The following UBTD2 variants were observed in gnomAD, a reference collection of about 807,000 sequenced individuals.
The protein encoded by UBTD2 is ubiquitin domain containing 2.
In UBTD2, 9 loss-of-function variants were observed where a neutral mutation model predicts 19.8. That is an observed-to-expected ratio of 0.46 (90% confidence interval 0.27 to 0.79). UBTD2 has a LOEUF of 0.79. Among genes scored for constraint, UBTD2 ranks in the 30% least tolerant of loss-of-function variants. The pLI is 0.14. For synonymous variants in UBTD2, 98 were observed against 103.9 expected (o/e 0.94, Z 0.35); for missense variants, 250 against 300.4 (o/e 0.83, Z 1.24).
At chr5:172,218,798 TAA>T (rs58608463) in intron 2 of UBTD2, among the ~76,000 whole-genome samples, 17 of 121,506 alleles carry the variant, frequency 1.4e-4, no homozygotes, top group African/African-American at 4.7e-4. Flanking sequence ...AATAAAAAAA[TAA>T]AAAAAAAAAT....
chr5:172,212,082 T>C lies in UBTD2; in HGVS notation c.453A>G (p.Glu151=). Residue 151 remains glutamate, a synonymous_variant, in exon 3 of 3, where the codon GAA becomes GAG. Coordinates refer to ENST00000393792, the MANE Select transcript of UBTD2 (RefSeq NM_152277.3). ...IPEPPPNSGY[E]CQLRLRLSTG... Reference sequence around the variant, plus strand: ...TGGAAAGGCGCAAACGAAGCTGACATTCATATCCAGAATTGGGTGGTGGCT... The same window carrying C: ...TGGAAAGGCGCAAACGAAGCTGACACTCATATCCAGAATTGGGTGGTGGCT... The C allele has an allele frequency of 6.2e-7, 1 of 1,614,192 alleles. No homozygotes were observed. The highest frequency in any genetic ancestry group is 8.5e-7 in the Non-Finnish European group (1 of 1,180,040).
At chr5:172,216,164 CA>C (rs566675245) in intron 2 of UBTD2, among the ~76,000 whole-genome samples, 9 of 149,974 alleles carry the variant, frequency 6.0e-5, no homozygotes, top group Admixed American at 2.0e-4. Flanking sequence ...GAGACTGTCT[CA>C]AAAAAAACAA....
chr5:172,264,603 C>A (rs377614848), intron 1 of UBTD2, among the ~76,000 whole-genome samples: 1 of 149,580 alleles, frequency 6.7e-6, no homozygotes, highest in Non-Finnish European at 1.5e-5. Context: ...GCTAGGCACA[C>A]ACCGTGGCTC....
intron 1 of UBTD2, among the ~76,000 whole-genome samples, chr5:172,274,135 CTTTTTTTTTTTTTTTT>C (rs555392614): frequency 9.2e-6 from 1 of 108,648 alleles, no homozygotes; most frequent in African/African-American, 3.8e-5. Context: ...TTTTGCTTTA[CTTTTTTTTTTTTTTTT>C]TTTTTTTGAG....
Position 172,210,012 on chromosome 5 carries a change from A to C in UBTD2, c.*1818T>G, listed in dbSNP as rs1326416752. The C allele has an allele frequency of 6.6e-6, 1 of 152,204 alleles. No individual in the cohort carries two copies. The highest frequency in any genetic ancestry group is 1.5e-5 in the Non-Finnish European group (1 of 68,046). The allele number at this position is 152,204 out of a possible 1,614,324, so 9.4% of individuals were successfully genotyped here. Reference sequence around the variant, plus strand: ...TTCGATGTGGCACACAAATGAACAAAAACTTTGATGACAGGAGCAATATAC... The same window carrying C: ...TTCGATGTGGCACACAAATGAACAACAACTTTGATGACAGGAGCAATATAC... On this transcript the variant is annotated 3_prime_UTR_variant, in exon 3 of 3. Coordinates refer to ENST00000393792, the MANE Select transcript of UBTD2 (RefSeq NM_152277.3).
chr5:172,236,505 T>C (rs1772012207), intron 1 of UBTD2, among the ~76,000 whole-genome samples: 2 of 152,220 alleles, frequency 1.3e-5, no homozygotes, highest in Non-Finnish European at 2.9e-5. Context: ...CTAGAAGATG[T>C]TCAGAATCTG....
In UBTD2 at chr5:172,209,862, C is replaced by A. The variant is rs2113866918; in HGVS notation, c.*1968G>T. Reference sequence around the variant, plus strand: ...AAACTCTTAAAAAGAGAGCTCAAATCCTCAACAAAGAAAGACCTTTTACCA... The same window carrying A: ...AAACTCTTAAAAAGAGAGCTCAAATACTCAACAAAGAAAGACCTTTTACCA... On this transcript the variant is annotated 3_prime_UTR_variant, in exon 3 of 3. Coordinates refer to ENST00000393792, the MANE Select transcript of UBTD2 (RefSeq NM_152277.3). The A allele has an allele frequency of 6.6e-6, 1 of 152,622 alleles. No individual in the cohort carries two copies. The highest frequency in any genetic ancestry group is 1.5e-5 in the Non-Finnish European group (1 of 67,992). The allele number at this position is 152,622 out of a possible 1,614,324, so 9.5% of individuals were successfully genotyped here.
chr5:172,238,593 A>G (rs1229337970), intron 1 of UBTD2, among the ~76,000 whole-genome samples: 3 of 152,178 alleles, frequency 2.0e-5, no homozygotes, highest in African/African-American at 7.2e-5. Context: ...TAACAAATAA[A>G]CAGATCTAAC....
rs556929591 is a variant in UBTD2, at chr5:172,222,194, C to T, written c.308-9967G>A. 4.3e-4 allele frequency among the ~76,000 whole-genome samples: 65 copies of T among 152,330 alleles called. 1 individual carries two copies. Among genetic ancestry groups the T allele is most frequent in the African/African-American group, 1.5e-3 (62 of 41,564 alleles). On this transcript the variant is annotated intron_variant, in intron 2 of 2. Transcript: ENST00000393792. ...GACTATTACTGCAGAATTACCTATT[C>T]AGAGCAGACTGGCCCCTTTGTGGCC...
chr5:172,276,503 A>T (rs1756270394), intron 1 of UBTD2, among the ~76,000 whole-genome samples: 1 of 152,210 alleles, frequency 6.6e-6, no homozygotes, highest in Non-Finnish European at 1.5e-5. Flanking sequence ...TTTTAAAAAC[A>T]TCATACAGGC....
At chr5:172,236,685 T>G (rs1337638640) in intron 1 of UBTD2, among the ~76,000 whole-genome samples, 1 of 152,218 alleles carries the variant, frequency 6.6e-6, no homozygotes, top group African/African-American at 2.4e-5. Flanking sequence ...CAGTAAGATA[T>G]TTATCTGAAT....
intron 1 of UBTD2, among the ~76,000 whole-genome samples, chr5:172,275,606 T>G (rs1317004085): frequency 2.0e-5 from 3 of 152,166 alleles, no homozygotes; most frequent in Non-Finnish European, 2.9e-5. Flanking sequence ...CATGACTCAA[T>G]TCTTAGTATT....
chr5:172,246,083 TCAGA>T (rs895946338), intron 1 of UBTD2, among the ~76,000 whole-genome samples: 1 of 152,206 alleles, frequency 6.6e-6, no homozygotes, highest in Non-Finnish European at 1.5e-5. Context: ...GTTGAAATTA[TCAGA>T]CAAAGACTTC....
At chr5:172,256,386 CT>C (rs199749283) in intron 1 of UBTD2, among the ~76,000 whole-genome samples, 127 of 147,262 alleles carry the variant, frequency 8.6e-4, no homozygotes, top group Non-Finnish European at 1.0e-3. Context: ...TTTCCTTATA[CT>C]TTTTTTTTTT....
At chr5:172,264,347 G>A (rs114407525) in intron 1 of UBTD2, among the ~76,000 whole-genome samples, 45,488 of 151,506 alleles carry the variant, frequency 0.3, 6,949 homozygotes, top group South Asian at 0.42. Context: ...AGAAGTTCAA[G>A]ACCAGCCTGG....
intron 2 of UBTD2, among the ~76,000 whole-genome samples, chr5:172,225,011 A>G (rs1337600565): frequency 6.6e-6 from 1 of 152,194 alleles, no homozygotes; most frequent in Non-Finnish European, 1.5e-5. Flanking sequence ...TTCATTTAGC[A>G]ATTACTAGTT....
chr5:172,245,023 C>T (rs914771930), intron 1 of UBTD2, among the ~76,000 whole-genome samples: 1 of 152,146 alleles, frequency 6.6e-6, no homozygotes, highest in African/African-American at 2.4e-5. Flanking sequence ...GCCACCGGGC[C>T]CAGCCTGTTT....
intron 1 of UBTD2, among the ~76,000 whole-genome samples, chr5:172,256,978 C>CT (rs1006144028): frequency 1.1e-4 from 16 of 152,034 alleles, no homozygotes; most frequent in Admixed American, 8.5e-4. Context: ...TTGATGAATT[C>CT]TTTTTTTTCT....
intron 2 of UBTD2, among the ~76,000 whole-genome samples, chr5:172,216,210 CA>C (rs1013477108): frequency 9.9e-5 from 15 of 151,444 alleles, no homozygotes; most frequent in Non-Finnish European, 1.6e-4. Flanking sequence ...CAAAAAAGCC[CA>C]AAAAACCCCA....
Sources: gnomAD v4.1 joint callset for allele counts (sites outside exome capture counted in the v4.1 genomes callset) on GRCh38, gnomAD v4.1.1 for gene constraint, MANE v1.5 for transcripts, NCBI Gene and HGNC (gene_info 2026-07-23, HGNC 2026-07-21) for gene names.